The following NWD1 variants were observed in gnomAD, a reference collection of about 807,000 sequenced individuals.
NWD1 encodes NACHT domain- and WD repeat-containing protein 1.
NWD1 carries 129 observed loss-of-function variants against 135.1 expected under a neutral mutation model. The ratio of observed to expected loss-of-function variants is 0.96; its 90% CI spans 0.83 to 1.11. The LOEUF (loss-of-function observed/expected upper bound fraction) is 1.11. NWD1 is among the 50% of genes least tolerant of loss of function. The pLI is 0.00. For missense variants in NWD1, 1,740 were observed against 1,851.3 expected (o/e 0.94, Z 1.10); for synonymous variants, 773 against 786.0 (o/e 0.98, Z 0.28).
chr19:16,784,732 C>T (rs1269710595), intron 12 of NWD1, among the ~76,000 whole-genome samples: 1 of 151,856 alleles, frequency 6.6e-6, no homozygotes. Context: ...AGATCGAGAC[C>T]ATCCTGGCCA....
At chr19:16,771,539 G>A (rs1270747454) in intron 10 of NWD1, among the ~76,000 whole-genome samples, 1 of 152,192 alleles carries the variant, frequency 6.6e-6, no homozygotes, top group Non-Finnish European at 1.5e-5. Flanking sequence ...TAACGCGAGA[G>A]GCGCTCGCCA....
intron 4 of NWD1, among the ~76,000 whole-genome samples, chr19:16,742,294 G>A (rs1298149322): frequency 6.6e-6 from 1 of 150,610 alleles, no homozygotes; most frequent in Non-Finnish European, 1.5e-5. Flanking sequence ...AGAATCACTT[G>A]AACTCAGGAG....
At chr19:16,746,770 A>C (rs994407803) in intron 5 of NWD1, among the ~76,000 whole-genome samples, 6 of 152,316 alleles carry the variant, frequency 3.9e-5, no homozygotes, top group Admixed American at 6.5e-5. Context: ...CAAGTAAGCT[A>C]GAGAAAAGAA....
Position 16,750,178 on chromosome 19 carries a change from G to A in NWD1, c.1536G>A (p.Arg512=). 6.2e-7 allele frequency: 1 copy of A among 1,613,542 alleles called. No individual in the cohort carries two copies. The highest frequency in any genetic ancestry group is 1.3e-5 in the African/African-American group (1 of 75,036). ...TCCAACTCCTGCTGGCAGCTGCAAG[G>A]AGGACGCTGAGCCCGGTGCACACAG... ...QMIQLLLAAA[R]RTLSPVHTDL... Residue 512 remains arginine, a synonymous_variant, in exon 6 of 19, where the codon AGG becomes AGA. Transcript: ENST00000524140.
chr19:16,807,365 C>T (rs1970780034), intron 17 of NWD1, among the ~76,000 whole-genome samples: 1 of 151,986 alleles, frequency 6.6e-6, no homozygotes, highest in South Asian at 2.1e-4. Flanking sequence ...TGGTGGCACA[C>T]ACTTGTAATC....
intron 6 of NWD1, among the ~76,000 whole-genome samples, chr19:16,757,966 C>A (rs761617069): frequency 6.6e-6 from 1 of 151,880 alleles, no homozygotes; most frequent in East Asian, 1.9e-4. Flanking sequence ...GCAGGAGAAT[C>A]GCTTGAAGCC....
In NWD1 at chr19:16,773,197, G is replaced by T. The variant is rs757566024; in HGVS notation, c.2482G>T (p.Gly828Ter). The change falls in exon 11 of 19, where the codon GGA (glycine) becomes TGA (stop). Residue 828 changes from glycine to a stop codon, truncating the protein, a stop_gained. Coordinates refer to ENST00000524140, the MANE Select transcript of NWD1 (RefSeq NM_001007525.5). LOFTEE classifies it high-confidence loss of function. The stretch of plus-strand genomic sequence containing the variant: ...CGCCACCTCACATCCAGCACTGGTG[G>T]GACAGCTATGCCAACAGGCCCAGAG... Reference protein sequence around the residue: ...FFATSHPALVGQLCQQAQSWF... With the variant: ...FFATSHPALV 2 of 1,613,854 alleles carry T rather than the reference G, an allele frequency of 1.2e-6. No homozygotes were observed. Among genetic ancestry groups the T allele is most frequent in the Non-Finnish European group, 1.7e-6 (2 of 1,180,022 alleles).
At chr19:16,761,663 T>C (rs1969017823) in intron 7 of NWD1, among the ~76,000 whole-genome samples, 2 of 152,162 alleles carry the variant, frequency 1.3e-5, no homozygotes, top group Admixed American at 1.3e-4. Context: ...GCACCCAGCC[T>C]GAACACCTGT....
chr19:16,807,920 G>A lies in NWD1; in HGVS notation c.4071G>A (p.Leu1357=). 2 of 1,614,178 alleles carry A rather than the reference G, an allele frequency of 1.2e-6. No homozygotes were observed. Among genetic ancestry groups the A allele is most frequent in the Non-Finnish European group, 8.5e-7 (1 of 1,180,042 alleles). The change falls in exon 18 of 19, where the codon CTG becomes CTA. Residue 1357 remains leucine, a synonymous_variant. Coordinates refer to ENST00000524140, the MANE Select transcript of NWD1 (RefSeq NM_001007525.5). ...AGACCCTCTCCAGCGTGGCCATTCTGACGGACTACCGCGTGGTCTACAGCA... is the reference window on the plus strand; with the variant it reads ...AGACCCTCTCCAGCGTGGCCATTCTAACGGACTACCGCGTGGTCTACAGCA... ...LPETLSSVAI[L]TDYRVVYSMT... is the part of the protein sequence containing the mutation.
chr19:16,742,998 C>T (rs926061593), intron 4 of NWD1, among the ~76,000 whole-genome samples: 12 of 150,960 alleles, frequency 7.9e-5, no homozygotes, highest in East Asian at 5.9e-4. Context: ...CTGCAACCTT[C>T]GCCTCCCGGC....
intron 4 of NWD1, among the ~76,000 whole-genome samples, chr19:16,739,765 C>A (rs1227924917): frequency 6.6e-6 from 1 of 152,144 alleles, no homozygotes; most frequent in Non-Finnish European, 1.5e-5. Flanking sequence ...ATGGCACTTC[C>A]TTTTAGAGAG....
chr19:16,759,857 G>A (rs907618432), intron 7 of NWD1, among the ~76,000 whole-genome samples: 2 of 151,960 alleles, frequency 1.3e-5, no homozygotes, highest in African/African-American at 2.4e-5. Context: ...AGCCAGACGC[G>A]GTGGCACGTG....
At chr19:16,779,223 C>G in intron 11 of NWD1, 120 bp from the exon 12 acceptor site, 2 of 1,177,812 alleles carry the variant, frequency 1.7e-6, no homozygotes, top group Non-Finnish European at 2.5e-6. Flanking sequence ...GGCAAGGGAC[C>G]AAATCTCTCT....
Position 16,735,403 on chromosome 19 carries a change from G to T in NWD1, c.82-1231G>T, listed in dbSNP as rs532116154. On this transcript the variant is annotated intron_variant, in intron 3 of 18. Coordinates refer to ENST00000524140, the MANE Select transcript of NWD1 (RefSeq NM_001007525.5). ...CGCCTGTAATCCCAGCTACTCGGGAGGCTGAGGCAGGAGAATTGCTTGAAC... is the reference window on the plus strand; with the variant it reads ...CGCCTGTAATCCCAGCTACTCGGGATGCTGAGGCAGGAGAATTGCTTGAAC... 8.6e-5 allele frequency among the ~76,000 whole-genome samples: 13 copies of T among 151,652 alleles called. No individual in the cohort carries two copies. The South Asian group carries it at 2.7e-3, about 32-fold the overall frequency.
At chr19:16,772,461 C>T (rs1156590812) in intron 10 of NWD1, among the ~76,000 whole-genome samples, 2 of 152,128 alleles carry the variant, frequency 1.3e-5, no homozygotes, top group Non-Finnish European at 2.9e-5. Context: ...GCCCAGCCAA[C>T]ATGGTGAAAC....
At chr19:16,723,937 C>T (rs777323479) in intron 1 of NWD1, among the ~76,000 whole-genome samples, 29 of 152,220 alleles carry the variant, frequency 1.9e-4, no homozygotes, top group African/African-American at 5.8e-4. Context: ...CTCAAGTGAT[C>T]GGCCCGCCTT....
At chr19:16,760,481 A>C (rs1968968767) in intron 7 of NWD1, among the ~76,000 whole-genome samples, 1 of 151,898 alleles carries the variant, frequency 6.6e-6, no homozygotes, top group African/African-American at 2.4e-5. Flanking sequence ...GCTGGTCTCG[A>C]GCTCCTGGGC....
At chr19:16,754,895 ATATC>A (rs573675904) in intron 6 of NWD1, among the ~76,000 whole-genome samples, 321 of 152,262 alleles carry the variant, frequency 2.1e-3, no homozygotes, top group African/African-American at 6.9e-3. Context: ...CCCATCCGTC[ATATC>A]TATCTATCTA....
intron 13 of NWD1, among the ~76,000 whole-genome samples, chr19:16,789,827 C>T (rs923203174): frequency 6.6e-5 from 10 of 151,094 alleles, no homozygotes; most frequent in African/African-American, 1.9e-4. Context: ...AAGTGATTCT[C>T]CTGCCTCAGG....
Sources: gnomAD v4.1 joint callset for allele counts (sites outside exome capture counted in the v4.1 genomes callset) on GRCh38, gnomAD v4.1.1 for gene constraint, MANE v1.5 for transcripts, NCBI Gene and HGNC (gene_info 2026-07-23, HGNC 2026-07-21) for gene names.